Variants in PCDH15 observed in about 807,000 individuals in gnomAD.
PCDH15 encodes the protein protocadherin related 15.
In PCDH15, 129 loss-of-function variants were observed where a neutral mutation model predicts 178.5. The observed-to-expected ratio is 0.72, with a 90% CI of 0.63 to 0.84. The LOEUF (loss-of-function observed/expected upper bound fraction) is 0.84, where lower values mean the gene tolerates loss of function less well. Among genes scored for constraint, PCDH15 ranks in the 40% least tolerant of loss-of-function variants. The pLI is 0.00. For missense variants in PCDH15, 2,230 were observed against 2,099.9 expected, an observed-to-expected ratio of 1.06 and a Z score of -1.21; for synonymous variants, 800 against 732.0, an observed-to-expected ratio of 1.09 and a Z score of -1.50.
intron 18 of PCDH15, among the ~76,000 whole-genome samples, chr10:54,030,119 C>A (rs2093249537): frequency 6.6e-6 from 1 of 152,078 alleles, no homozygotes; most frequent in Non-Finnish European, 1.5e-5. Flanking sequence ...AATGTTATAG[C>A]TATTATAAAG....
intron 21 of PCDH15, among the ~76,000 whole-genome samples, chr10:53,979,641 C>T (rs1044641731): frequency 6.6e-5 from 10 of 152,172 alleles, no homozygotes; most frequent in African/African-American, 2.4e-4. Context: ...CTTTTGTACT[C>T]ATGGGCCTCA....
chr10:55,303,620 G>C (rs1843345405), intron 1 of PCDH15, among the ~76,000 whole-genome samples: 1 of 152,086 alleles, frequency 6.6e-6, no homozygotes, highest in South Asian at 2.1e-4. Flanking sequence ...ATTTCATATT[G>C]AGTGAATTTT....
intron 3 of PCDH15, among the ~76,000 whole-genome samples, chr10:54,443,143 T>C (rs1379028706): frequency 1.3e-5 from 2 of 151,726 alleles, no homozygotes; most frequent in Non-Finnish European, 3.0e-5. Context: ...CCCATAATTA[T>C]TGTGTTTCCA....
intron 1 of PCDH15, among the ~76,000 whole-genome samples, chr10:55,251,027 G>GA (rs1004334997): frequency 2.6e-5 from 4 of 151,840 alleles, no homozygotes; most frequent in Non-Finnish European, 5.9e-5. Flanking sequence ...GCAGTTGTAG[G>GA]AAAAAAATAC....
At chr10:55,125,961 G>A (rs927437243) in intron 2 of PCDH15, among the ~76,000 whole-genome samples, 4 of 152,074 alleles carry the variant, frequency 2.6e-5, no homozygotes, top group African/African-American at 9.7e-5. Flanking sequence ...AAGTCTCAAT[G>A]CATATGATTT....
intron 18 of PCDH15, among the ~76,000 whole-genome samples, chr10:54,032,041 A>G (rs943714643): frequency 6.6e-6 from 1 of 151,942 alleles, no homozygotes; most frequent in African/African-American, 2.4e-5. Context: ...AAAATTATAT[A>G]TTAAATTATA....
At chr10:55,075,887 C>T (rs980142166) in intron 2 of PCDH15, among the ~76,000 whole-genome samples, 23 of 151,882 alleles carry the variant, frequency 1.5e-4, no homozygotes, top group Non-Finnish European at 7.4e-5. Context: ...TAAACTATCC[C>T]TTATAGTACT....
intron 2 of PCDH15, among the ~76,000 whole-genome samples, chr10:55,052,023 T>TA (rs1224776385): frequency 6.6e-6 from 1 of 151,128 alleles, no homozygotes; most frequent in African/African-American, 2.4e-5. Context: ...TAAGAATTTG[T>TA]AAAAAATAAA....
intron 3 of PCDH15, among the ~76,000 whole-genome samples, chr10:54,480,470 T>C (rs1316911053): frequency 6.6e-6 from 1 of 152,002 alleles, no homozygotes; most frequent in East Asian, 1.9e-4. Context: ...CATAATCTTA[T>C]CTAAATCAAA....
chr10:54,588,125 ATTAAC>A (rs2091627732), intron 2 of PCDH15, among the ~76,000 whole-genome samples: 1 of 152,162 alleles, frequency 6.6e-6, no homozygotes, highest in South Asian at 2.1e-4. Flanking sequence ...AAGTGTGGGT[ATTAAC>A]TTATTATCTG....
intron 2 of PCDH15, among the ~76,000 whole-genome samples, chr10:55,129,129 A>G (rs1405483995): frequency 3.3e-5 from 5 of 152,116 alleles, no homozygotes; most frequent in Admixed American, 3.3e-4. Flanking sequence ...GTGGACAGTA[A>G]GCATTCTTGC....
intron 2 of PCDH15, among the ~76,000 whole-genome samples, chr10:55,514,507 T>C (rs1191365145): frequency 1.3e-5 from 2 of 152,106 alleles, no homozygotes; most frequent in African/African-American, 2.4e-5. Context: ...TAAAGATACA[T>C]GGGAAATTGT....
chr10:54,066,785 T>G lies in PCDH15; in HGVS notation c.2192A>C (p.Glu731Ala), dbSNP rs749438162. The G allele has an allele frequency of 6.2e-7, 1 of 1,613,526 alleles. No individual in the cohort carries two copies. Among genetic ancestry groups the G allele is most frequent in the Non-Finnish European group, 8.5e-7 (1 of 1,179,648 alleles). The change falls in exon 18 of 38, where the codon GAA becomes GCA. Residue 731 changes from glutamate to alanine, a missense_variant. Physicochemically the swap from Glu to Ala is moderately radical, Grantham distance 107 (BLOSUM62 -1). Transcript: ENST00000644397. Reference protein sequence around the residue: ...LPRNLSVVEEEANAFVGQVKA... With the variant: ...LPRNLSVVEEAANAFVGQVKA... ...TACTTGACCCACAAAGGCATTGGCT[T>G]CTTCTTCCACCACAGATAAATTTCT... is the stretch of plus-strand genomic sequence containing the variant.
At chr10:55,330,489 C>G (rs1283609391) in intron 2 of PCDH15, among the ~76,000 whole-genome samples, 1 of 151,858 alleles carries the variant, frequency 6.6e-6, no homozygotes, top group African/African-American at 2.4e-5. Flanking sequence ...ATAAAAAGAT[C>G]TGTCAAATTG....
intron 2 of PCDH15, among the ~76,000 whole-genome samples, chr10:54,901,739 G>T (rs1002522282): frequency 6.6e-6 from 1 of 152,076 alleles, no homozygotes; most frequent in Non-Finnish European, 1.5e-5. Context: ...GATAATGCTT[G>T]TGAATATATA....
chr10:54,467,601 G>GTTTTTTTTTTTTTTT (rs67776985), intron 3 of PCDH15, among the ~76,000 whole-genome samples: 119 of 45,694 alleles, frequency 2.6e-3, no homozygotes, highest in Non-Finnish European at 3.0e-3. Context: ...TCAAGCTGTA[G>GTTTTTTTTTTTTTTT]TTTTTTTTTT....
intron 3 of PCDH15, among the ~76,000 whole-genome samples, chr10:54,504,442 T>C (rs542616314): frequency 6.6e-6 from 1 of 152,272 alleles, no homozygotes; most frequent in South Asian, 2.1e-4. Flanking sequence ...AATAGATTCC[T>C]TCTCTATATC....
chr10:54,503,817 T>G (rs1285990037), intron 3 of PCDH15, among the ~76,000 whole-genome samples: 2 of 152,120 alleles, frequency 1.3e-5, no homozygotes, highest in Non-Finnish European at 2.9e-5. Flanking sequence ...AGACCTGGAA[T>G]GTCTGGTCCT....
chr10:53,849,163 T>C (rs188457217), intron 28 of PCDH15, among the ~76,000 whole-genome samples: 65 of 152,256 alleles, frequency 4.3e-4, no homozygotes, highest in Non-Finnish European at 1.5e-5. Context: ...AGAATATTGA[T>C]TCTGACAAAA....
Sources: allele counts gnomAD v4.1 joint callset (sites outside exome capture counted in the v4.1 genomes callset), GRCh38; gene constraint gnomAD v4.1.1; transcripts MANE v1.5; gene names NCBI Gene and HGNC (gene_info 2026-07-23, HGNC 2026-07-21).